Variants in CTNND2 observed in about 807,000 individuals in gnomAD.
CTNND2 encodes the protein catenin delta-2.
In CTNND2, 22 loss-of-function variants were observed where a neutral mutation model predicts 144.4. That is an observed-to-expected ratio of 0.15 (90% CI 0.11 to 0.22). CTNND2 has a LOEUF of 0.22. Among genes scored for constraint, CTNND2 ranks in the 10% least tolerant of loss-of-function variants. The pLI, the probability that CTNND2 is intolerant of heterozygous loss-of-function variation, is 1.00. For synonymous variants in CTNND2, 751 were observed against 695.6 expected (o/e 1.08, Z -1.25); for missense variants, 1,353 against 1,618.8 (o/e 0.84, Z 2.82).
At chr5:11,784,351 G>C (rs1404156536) in intron 1 of CTNND2, among the ~76,000 whole-genome samples, 2 of 152,160 alleles carry the variant, frequency 1.3e-5, no homozygotes, top group African/African-American at 4.8e-5. Flanking sequence ...TACAGGATCT[G>C]TCACATATTC....
chr5:11,438,485 T>C (rs1763969669), intron 3 of CTNND2, among the ~76,000 whole-genome samples: 1 of 152,230 alleles, frequency 6.6e-6, no homozygotes, highest in Non-Finnish European at 1.5e-5. Context: ...GATGGTCCCA[T>C]ATTAAAAATC....
intron 3 of CTNND2, among the ~76,000 whole-genome samples, chr5:11,506,714 C>G (rs760378769): frequency 6.6e-6 from 1 of 152,208 alleles, no homozygotes; most frequent in East Asian, 1.9e-4. Context: ...ATTGTAAACA[C>G]TATGAGGCAT....
chr5:11,424,614 G>A, intron 3 of CTNND2, among the ~76,000 whole-genome samples: 1 of 152,058 alleles, frequency 6.6e-6, no homozygotes, highest in East Asian at 1.9e-4. Flanking sequence ...ACGTGTGTGT[G>A]TGTGTGTATG....
At chr5:11,773,340 T>C (rs1270799237) in intron 1 of CTNND2, among the ~76,000 whole-genome samples, 1 of 152,240 alleles carries the variant, frequency 6.6e-6, no homozygotes, top group Non-Finnish European at 1.5e-5. Flanking sequence ...TGCAAATTAC[T>C]AATAATATTG....
rs1561136426 is a variant in CTNND2 at position 10,992,648 on chromosome 5, G to A, written c.3114C>T (p.Ala1038=). ...GGTCCCTCTCGATGGTTGAAGACGA[G>A]GCTACAAAGTGGTATTGTGACCATC... ...KDGWSQYHFV[A]SSSTIERDRQ... is the part of the protein sequence containing the mutation. The change falls in exon 19 of 22, where the codon GCC becomes GCT. Residue 1038 remains alanine, a synonymous_variant. Transcript: ENST00000304623. 1 of 1,614,186 alleles carries A rather than the reference G, an allele frequency of 6.2e-7. No individual in the cohort carries two copies. The highest frequency in any genetic ancestry group is 8.5e-7 in the Non-Finnish European group (1 of 1,180,022).
intron 10 of CTNND2, among the ~76,000 whole-genome samples, chr5:11,206,583 A>G (rs1020509743): frequency 6.6e-6 from 1 of 152,238 alleles, no homozygotes; most frequent in South Asian, 2.1e-4. Flanking sequence ...CAAAAATCAC[A>G]AAGCATTGAC....
At chr5:11,246,366 G>GC in intron 9 of CTNND2, among the ~76,000 whole-genome samples, 1 of 152,050 alleles carries the variant, frequency 6.6e-6, no homozygotes, top group East Asian at 1.9e-4. Context: ...GATTGGGGTG[G>GC]CCCCTGAGTC....
intron 11 of CTNND2, among the ~76,000 whole-genome samples, chr5:11,188,791 C>G (rs61751818): frequency 6.6e-6 from 1 of 152,046 alleles, no homozygotes; most frequent in African/African-American, 2.4e-5. Flanking sequence ...GATACAGCTG[C>G]GTTATCACCT....
chr5:11,769,482 G>C (rs1789793035), intron 1 of CTNND2, among the ~76,000 whole-genome samples: 1 of 152,164 alleles, frequency 6.6e-6, no homozygotes, highest in Admixed American at 6.5e-5. Flanking sequence ...TACTTAAAGT[G>C]AATATTATAC....
chr5:11,705,473 A>T (rs569493541), intron 2 of CTNND2, among the ~76,000 whole-genome samples: 14 of 152,258 alleles, frequency 9.2e-5, no homozygotes, highest in Non-Finnish European at 1.5e-4. Flanking sequence ...ATGAAAATAT[A>T]TGTATATGTG....
intron 1 of CTNND2, among the ~76,000 whole-genome samples, chr5:11,748,019 C>T (rs751510023): frequency 1.5e-4 from 23 of 152,276 alleles, no homozygotes; most frequent in Non-Finnish European, 2.9e-4. Flanking sequence ...AAAAATCTCA[C>T]TCTGCAAACA....
At chr5:11,205,484 A>T (rs1231245220) in intron 10 of CTNND2, among the ~76,000 whole-genome samples, 1 of 152,124 alleles carries the variant, frequency 6.6e-6, no homozygotes, top group Non-Finnish European at 1.5e-5. Flanking sequence ...AATTCCAATA[A>T]TTTTCTCTGC....
chr5:11,706,561 G>GTACT (rs1785703701), intron 2 of CTNND2, among the ~76,000 whole-genome samples: 1 of 152,144 alleles, frequency 6.6e-6, no homozygotes, highest in South Asian at 2.1e-4. Flanking sequence ...ACACTAAAGA[G>GTACT]TACTCTCTTT....
intron 16 of CTNND2, among the ~76,000 whole-genome samples, chr5:11,040,821 T>A (rs1744621323): frequency 6.6e-6 from 1 of 152,216 alleles, no homozygotes; most frequent in Non-Finnish European, 1.5e-5. Context: ...TAAAAATAAT[T>A]ATCTCAATTC....
At position 11,000,618 on chromosome 5, in the gene CTNND2, C is replaced by G. The variant is rs559337649; in HGVS notation, c.3085-7941G>C. ...TGAGCTAGAACTGTCTGGCAAGGCT[C>G]AAAACTATTCTCATGAATATCTTTT... is the stretch of plus-strand genomic sequence containing the variant. On this transcript the variant is annotated intron_variant, in intron 18 of 21. Coordinates refer to ENST00000304623, the MANE Select transcript of CTNND2 (RefSeq NM_001332.4). Among the ~76,000 whole-genome samples, 5 of 152,290 alleles carry G rather than the reference C, an allele frequency of 3.3e-5. No homozygotes were observed. In the East Asian group the frequency reaches 9.6e-4, roughly 29 times the overall value.
At chr5:11,702,900 T>C (rs1785517654) in intron 2 of CTNND2, among the ~76,000 whole-genome samples, 2 of 152,344 alleles carry the variant, frequency 1.3e-5, no homozygotes, top group South Asian at 4.1e-4. Context: ...GCTCTCTACT[T>C]AATTTGGAGG....
intron 1 of CTNND2, among the ~76,000 whole-genome samples, chr5:11,889,952 A>C (rs1736833348): frequency 6.6e-6 from 1 of 152,212 alleles, no homozygotes; most frequent in African/African-American, 2.4e-5. Flanking sequence ...AGTTGACAAT[A>C]TTCCAAGTCA....
intron 9 of CTNND2, among the ~76,000 whole-genome samples, chr5:11,331,202 G>A (rs999076168): frequency 5.3e-5 from 8 of 152,156 alleles, no homozygotes; most frequent in African/African-American, 1.7e-4. Context: ...TCTTTGTCAA[G>A]AAGAGATAGG....
chr5:11,346,501 G>A lies in CTNND2; in HGVS notation c.1499C>T (p.Ala500Val), dbSNP rs768348550. The A allele has an allele frequency of 2.8e-5, 45 of 1,606,138 alleles. 1 individual carries two copies. Among genetic ancestry groups the A allele is most frequent in the South Asian group, 1.5e-4 (13 of 89,498 alleles). The change falls in exon 9 of 22, where the codon GCG becomes GTG. Residue 500 changes from alanine (A) to valine (V), a missense_variant. This residue lies in a region of CTNND2 where 708 missense variants were observed against 706.4 expected (regional missense o/e 1.00). Coordinates refer to ENST00000304623, the MANE Select transcript of CTNND2 (RefSeq NM_001332.4). ...SYAAGPASNY[A>V]DPYRQLQYCP... ...ATACTGCAGCTGTCGGTAGGGGTCC[G>A]CGTAATTGGAGGCTGGGCCGGCGGC...
Sources: gnomAD v4.1 joint callset for allele counts (sites outside exome capture counted in the v4.1 genomes callset) on GRCh38, gnomAD v4.1.1 for gene constraint, gnomAD v4.1.1 regional missense constraint, MANE v1.5 for transcripts, NCBI Gene and HGNC (gene_info 2026-07-23, HGNC 2026-07-21) for gene names.